The following PPFIA2 variants were observed in gnomAD, a reference collection of about 807,000 sequenced individuals.
PPFIA2 encodes the protein PPFI scaffold protein A2.
PPFIA2 carries 46 observed loss-of-function variants against 175.5 expected under a neutral mutation model. That is an observed-to-expected ratio of 0.26 (90% confidence interval 0.21 to 0.34). The LOEUF is 0.34. Ranked by LOEUF, PPFIA2 falls within the 10% of genes least tolerant of loss-of-function variation. PPFIA2 has a pLI of 1.00. For missense variants in PPFIA2, 1,179 were observed against 1,506.1 expected (o/e 0.78, Z 3.60); for synonymous variants, 568 against 511.4 (o/e 1.11, Z -1.49).
In PPFIA2 at chr12:81,343,656, T is replaced by C. The variant is rs550217842; in HGVS notation, c.2262+1008A>G. On this transcript the variant is annotated intron_variant, in intron 19 of 32. Coordinates refer to ENST00000549396, the MANE Select transcript of PPFIA2 (RefSeq NM_003625.5). Reference sequence around the variant, plus strand: ...TGAATAGAAGTTTGAATCTTTGAAATCTTTTTCATCTGATGTCCCATGAGT... The same window carrying C: ...TGAATAGAAGTTTGAATCTTTGAAACCTTTTTCATCTGATGTCCCATGAGT... 4.6e-5 allele frequency among the ~76,000 whole-genome samples: 7 copies of C among 152,202 alleles called. No individual in the cohort carries two copies. The South Asian group carries it at 1.0e-3, about 23-fold the overall frequency.
intron 15 of PPFIA2, among the ~76,000 whole-genome samples, chr12:81,359,302 T>A (rs1053714680): frequency 2.0e-5 from 3 of 152,016 alleles, no homozygotes; most frequent in African/African-American, 7.2e-5. Flanking sequence ...GACACTAACT[T>A]AAGAAAGTTC....
intron 25 of PPFIA2, 33 bp from the exon 26 acceptor site, chr12:81,283,072 A>G: frequency 6.2e-7 from 1 of 1,605,460 alleles, no homozygotes; most frequent in South Asian, 1.1e-5. Context: ...TTAATAAAGC[A>G]GGTAAATATA....
intron 4 of PPFIA2, among the ~76,000 whole-genome samples, chr12:81,592,490 T>C (rs1050410340): frequency 5.9e-5 from 9 of 152,146 alleles, no homozygotes; most frequent in Non-Finnish European, 1.5e-5. Flanking sequence ...ACTTCCTACA[T>C]GTTGTGGAAG....
chr12:81,454,411 C>A (rs531101645), intron 5 of PPFIA2, among the ~76,000 whole-genome samples: 1 of 152,062 alleles, frequency 6.6e-6, no homozygotes, highest in East Asian at 1.9e-4. Context: ...AGGCCTGGGA[C>A]AAGTTACTTA....
At chr12:81,552,589 A>T (rs1049409820) in intron 4 of PPFIA2, among the ~76,000 whole-genome samples, 1 of 152,068 alleles carries the variant, frequency 6.6e-6, no homozygotes, top group Non-Finnish European at 1.5e-5. Flanking sequence ...TATATGTTTG[A>T]ACAATATAAT....
intron 4 of PPFIA2, among the ~76,000 whole-genome samples, chr12:81,484,395 G>A (rs2058589705): frequency 6.6e-6 from 1 of 151,954 alleles, no homozygotes; most frequent in Non-Finnish European, 1.5e-5. Flanking sequence ...TGTGTGCAAA[G>A]TGTTCTAGGA....
chr12:81,273,608 T>C (rs1326635433), intron 28 of PPFIA2, among the ~76,000 whole-genome samples: 1 of 152,192 alleles, frequency 6.6e-6, no homozygotes, highest in African/African-American at 2.4e-5. Flanking sequence ...TCTGTGCCAA[T>C]CCACAGTACT....
intron 4 of PPFIA2, among the ~76,000 whole-genome samples, chr12:81,650,689 A>G (rs992035596): frequency 1.7e-4 from 26 of 152,224 alleles, no homozygotes; most frequent in Admixed American, 1.5e-3. Context: ...TATTTCTCAA[A>G]TAATCAATTT....
At chr12:81,553,617 G>C (rs1238831945) in intron 4 of PPFIA2, among the ~76,000 whole-genome samples, 1 of 152,058 alleles carries the variant, frequency 6.6e-6, no homozygotes. Context: ...AGACTCTGCG[G>C]AAGAGAGGAG....
At chr12:81,339,515 A>C (rs1452609507) in intron 20 of PPFIA2, among the ~76,000 whole-genome samples, 181 bp from the exon 21 acceptor site, 1 of 151,936 alleles carries the variant, frequency 6.6e-6, no homozygotes, top group Non-Finnish European at 1.5e-5. Flanking sequence ...TGGGCCCTGA[A>C]ACTCCAAATT....
chr12:81,571,614 T>C (rs1334870915), intron 4 of PPFIA2, among the ~76,000 whole-genome samples: 1 of 152,114 alleles, frequency 6.6e-6, no homozygotes. Context: ...CTGGTTAATA[T>C]GCATGGGTAA....
At chr12:81,529,265 A>C (rs1410911785) in intron 4 of PPFIA2, among the ~76,000 whole-genome samples, 1 of 152,086 alleles carries the variant, frequency 6.6e-6, no homozygotes, top group East Asian at 1.9e-4. Flanking sequence ...TAAGCCATGA[A>C]GTATAAAAAC....
intron 4 of PPFIA2, among the ~76,000 whole-genome samples, chr12:81,664,330 A>C (rs1007042667): frequency 3.3e-5 from 5 of 152,146 alleles, no homozygotes; most frequent in African/African-American, 1.2e-4. Flanking sequence ...AAAGAACTCA[A>C]ACAAATTTAC....
chr12:81,381,923 T>C (rs2037802949), intron 9 of PPFIA2, among the ~76,000 whole-genome samples: 1 of 152,096 alleles, frequency 6.6e-6, no homozygotes, highest in Non-Finnish European at 1.5e-5. Flanking sequence ...GAGTGCCTAT[T>C]ATACAATCAA....
At chr12:81,490,637 A>G (rs560837335) in intron 4 of PPFIA2, among the ~76,000 whole-genome samples, 7 of 152,020 alleles carry the variant, frequency 4.6e-5, no homozygotes, top group African/African-American at 1.7e-4. Flanking sequence ...GCAGGAGGAA[A>G]AGCAACAACA....
intron 4 of PPFIA2, among the ~76,000 whole-genome samples, chr12:81,670,335 C>A (rs1311171215): frequency 6.6e-6 from 1 of 151,812 alleles, no homozygotes; most frequent in Admixed American, 6.6e-5. Flanking sequence ...GAAAACATTG[C>A]AGGGCCCACA....
intron 3 of PPFIA2, among the ~76,000 whole-genome samples, chr12:81,689,734 A>G (rs1188849770): frequency 2.6e-5 from 4 of 152,038 alleles, no homozygotes; most frequent in African/African-American, 9.7e-5. Flanking sequence ...ATCAATTTAG[A>G]ATATTTTATA....
chr12:81,408,478 T>C (rs1177684401), intron 7 of PPFIA2, among the ~76,000 whole-genome samples: 4 of 152,160 alleles, frequency 2.6e-5, no homozygotes, highest in Admixed American at 6.6e-5. Context: ...AACTCTCAGC[T>C]TACAGATTAG....
rs141626577 is a variant in PPFIA2 at position 81,457,680 on chromosome 12, A to G, written c.405+85T>C. On this transcript the variant is annotated intron_variant, in intron 5 of 32. Coordinates refer to ENST00000549396, the MANE Select transcript of PPFIA2 (RefSeq NM_003625.5). ...AAGTAATTATAAAGTTTTAAAATGC[A>G]TATATTTTCTTCTTATATGTGTGTT... is the stretch of plus-strand genomic sequence containing the variant. 4.3e-3 allele frequency: 3,090 copies of G among 726,594 alleles called. 10 individuals are homozygous for G. The highest frequency in any genetic ancestry group is 5.2e-3 in the Non-Finnish European group (2,371 of 452,078). The allele number at this position is 726,594 out of a possible 1,614,324, so 45.0% of individuals were successfully genotyped here. A position where few individuals can be genotyped will look rare whatever the true frequency, so the allele number is the denominator to read the frequency against.
Sources: allele counts gnomAD v4.1 joint callset (sites outside exome capture counted in the v4.1 genomes callset), GRCh38; gene constraint gnomAD v4.1.1; transcripts MANE v1.5; gene names NCBI Gene and HGNC (gene_info 2026-07-23, HGNC 2026-07-21).